ATP10B: variants seen among roughly 807,000 people sequenced by gnomAD.
ATP10B encodes phospholipid-transporting ATPase VB.
ATP10B carries 122 observed loss-of-function variants against 141.2 expected under a neutral mutation model. The ratio of observed to expected loss-of-function variants is 0.86; its 90% CI spans 0.75 to 1.00. The LOEUF (loss-of-function observed/expected upper bound fraction) is 1.00, where lower values mean the gene tolerates loss of function less well. Among genes scored for constraint, ATP10B ranks in the 50% least tolerant of loss-of-function variants. The probability of loss-of-function intolerance (pLI) is 0.00; values close to 1 mark genes in which losing one functional copy is unlikely to be tolerated. For synonymous variants in ATP10B, 685 were observed against 692.0 expected (o/e 0.99, Z 0.16); for missense variants, 1,876 against 1,825.3 (o/e 1.03, Z -0.51).
At chr5:160,576,177 C>A (rs1755177102) in intron 24 of ATP10B, among the ~76,000 whole-genome samples, 1 of 152,296 alleles carries the variant, frequency 6.6e-6, no homozygotes, top group African/African-American at 2.4e-5. Flanking sequence ...ATGTCTCCAT[C>A]TCCAAAACCA....
Position 160,670,572 on chromosome 5 carries a change from A to C in ATP10B, c.566T>G (p.Leu189Arg). 1 of 1,613,960 alleles carries C rather than the reference A, an allele frequency of 6.2e-7. No homozygotes were observed. Among genetic ancestry groups the C allele is most frequent in the South Asian group, 1.1e-5 (1 of 91,058 alleles). ...ATTGGGGTCAGAGGAAAAAAGGAGGAGTATGTCTGCTGGGACAATCTCATT... is the reference window on the plus strand; with the variant it reads ...ATTGGGGTCAGAGGAAAAAAGGAGGCGTATGTCTGCTGGGACAATCTCATT... ...KCNEIVPADI[L>R]LLFSSDPNGI... Residue 189 changes from leucine to arginine, a missense_variant, in exon 7 of 26, where the codon CTC becomes CGC. Physicochemically the swap from Leu to Arg is moderately radical, Grantham distance 102 (BLOSUM62 -2). Transcript: ENST00000327245.
intron 13 of ATP10B, among the ~76,000 whole-genome samples, chr5:160,623,442 C>T (rs1156944277): frequency 6.6e-6 from 1 of 152,122 alleles, no homozygotes; most frequent in Non-Finnish European, 1.5e-5. Context: ...AGCTACTGCT[C>T]TGCTGAGTGT....
the ATP10B span, among the ~76,000 whole-genome samples, chr5:160,899,956 T>A: frequency 1.3e-5 from 2 of 152,076 alleles, no homozygotes; most frequent in Non-Finnish European, 2.9e-5. Context: ...AGGCAAGGAA[T>A]CCCCCATCAG....
Position 160,589,715 on chromosome 5 carries a change from C to G in ATP10B, c.3646-19G>C, listed in dbSNP as rs752212544. The G allele has an allele frequency of 6.4e-7, 1 of 1,568,914 alleles. No individual in the cohort carries two copies. Among genetic ancestry groups the G allele is most frequent in the Admixed American group, 1.7e-5 (1 of 59,876 alleles). On this transcript the variant is annotated intron_variant, in intron 23 of 25. Transcript: ENST00000327245. ...TATAGGCCTGCAGAGGAGGAACAGA[C>G]AGGCATTGTCAGGTATGTCTGTGGA...
chr5:160,589,968 A>G (rs768409495), intron 23 of ATP10B, among the ~76,000 whole-genome samples: 4 of 152,232 alleles, frequency 2.6e-5, no homozygotes, highest in African/African-American at 4.8e-5. Flanking sequence ...AGAGCCCATC[A>G]GACACAATGC....
the ATP10B span, among the ~76,000 whole-genome samples, chr5:160,913,404 C>T: frequency 6.6e-6 from 1 of 152,166 alleles, no homozygotes; most frequent in Non-Finnish European, 1.5e-5. Context: ...TCATGGAGGC[C>T]ACACTGGCAC....
chr5:160,570,939 TTA>T (rs1444442017), intron 24 of ATP10B, among the ~76,000 whole-genome samples: 1 of 152,240 alleles, frequency 6.6e-6, no homozygotes, highest in Non-Finnish European at 1.5e-5. Flanking sequence ...TATTAAGAAG[TTA>T]TTAATCTCCA....
chr5:160,704,125 A>G (rs1386014256), intron 3 of ATP10B, among the ~76,000 whole-genome samples: 2 of 152,242 alleles, frequency 1.3e-5, no homozygotes, highest in Non-Finnish European at 2.9e-5. Context: ...TGCCATGATC[A>G]TAGCTCACTG....
chr5:160,739,835 AT>A (rs1420166197), intron 2 of ATP10B, among the ~76,000 whole-genome samples: 1 of 151,934 alleles, frequency 6.6e-6, no homozygotes, highest in East Asian at 1.9e-4. Context: ...TTAAAATTGT[AT>A]TTTATTATTT....
At chr5:160,737,922 G>A (rs78403219) in intron 2 of ATP10B, among the ~76,000 whole-genome samples, 2,080 of 152,188 alleles carry the variant, frequency 0.014, 44 homozygotes, top group African/African-American at 0.047. Flanking sequence ...AATTAGTAAA[G>A]ATGTAGAAGA....
chr5:160,616,528 G>A (rs1306345818), intron 16 of ATP10B, among the ~76,000 whole-genome samples: 1 of 152,176 alleles, frequency 6.6e-6, no homozygotes, highest in Non-Finnish European at 1.5e-5. Context: ...AGGCTGGAAA[G>A]AAAGCAGCCT....
At chr5:160,847,102 C>G (rs1008014280) in intron 1 of ATP10B, among the ~76,000 whole-genome samples, 1 of 152,064 alleles carries the variant, frequency 6.6e-6, no homozygotes, top group African/African-American at 2.4e-5. Context: ...GAGACTGGAG[C>G]TCAAAGAGAG....
chr5:160,771,063 G>A (rs1769866721), intron 2 of ATP10B, among the ~76,000 whole-genome samples: 1 of 152,172 alleles, frequency 6.6e-6, no homozygotes, highest in African/African-American at 2.4e-5. Flanking sequence ...TCAAGGCTTT[G>A]GCCTCAGTTA....
At chr5:160,749,354 G>A (rs894325714) in intron 2 of ATP10B, among the ~76,000 whole-genome samples, 4 of 152,180 alleles carry the variant, frequency 2.6e-5, no homozygotes, top group African/African-American at 9.7e-5. Flanking sequence ...GCTTCCCAGA[G>A]AGAGCTAGAC....
At chr5:160,630,578 C>T (rs897595826) in intron 13 of ATP10B, among the ~76,000 whole-genome samples, 1 of 152,256 alleles carries the variant, frequency 6.6e-6, no homozygotes, top group South Asian at 2.1e-4. Context: ...TGAGAATTCA[C>T]TAAGGTCATT....
At chr5:160,874,374 A>T in the ATP10B span, among the ~76,000 whole-genome samples, 1 of 152,054 alleles carries the variant, frequency 6.6e-6, no homozygotes, top group Non-Finnish European at 1.5e-5. Context: ...CACACCAAAA[A>T]CTCATCTGTA....
chr5:160,727,256 C>T (rs537044773), intron 2 of ATP10B, among the ~76,000 whole-genome samples: 1 of 152,206 alleles, frequency 6.6e-6, no homozygotes, highest in African/African-American at 2.4e-5. Context: ...ACAAACACCA[C>T]AAGGGATAGG....
At chr5:160,686,822 G>T in intron 5 of ATP10B, 1 of 390,382 alleles carries the variant, frequency 2.6e-6, no homozygotes, top group Non-Finnish European at 3.5e-6. Flanking sequence ...TACAGCAGAG[G>T]GCTCTGGAGC....
rs908344425 is a variant in ATP10B at position 160,685,939 on chromosome 5, C to T, written c.470+140G>A. ...ACATTACTAAATGCCCACTAGGGGT[C>T]GAAATCACCCCCCCTTGAGAATCAG... On this transcript the variant is annotated intron_variant, in intron 6 of 25. Transcript: ENST00000327245. 18 of 721,188 alleles carry T rather than the reference C, an allele frequency of 2.5e-5. 1 individual carries two copies. Among genetic ancestry groups the T allele is most frequent in the South Asian group, 9.8e-5 (3 of 30,692 alleles). 44.7% of individuals were successfully genotyped at this position (721,188 alleles called of 1,614,324 possible).
Sources: gnomAD v4.1 joint callset for allele counts (sites outside exome capture counted in the v4.1 genomes callset) on GRCh38, gnomAD v4.1.1 for gene constraint, MANE v1.5 for transcripts, NCBI Gene and HGNC (gene_info 2026-07-23, HGNC 2026-07-21) for gene names.